Variants in PTPRK observed in about 807,000 individuals in gnomAD.
PTPRK encodes protein tyrosine phosphatase receptor type K.
PTPRK carries 75 observed loss-of-function variants against 178.0 expected under a neutral mutation model. The ratio of observed to expected loss-of-function variants is 0.42; its 90% confidence interval spans 0.35 to 0.51. The LOEUF (loss-of-function observed/expected upper bound fraction) is 0.51, where lower values mean the gene tolerates loss of function less well. Ranked by LOEUF, PTPRK falls within the 20% of genes least tolerant of loss-of-function variation. The pLI is 0.02. For missense variants in PTPRK, 1,441 were observed against 1,797.8 expected (o/e 0.80, Z 3.59); for synonymous variants, 637 against 620.6 (o/e 1.03, Z -0.39).
At chr6:128,221,001 T>C (rs1810302241) in intron 5 of PTPRK, among the ~76,000 whole-genome samples, 1 of 152,282 alleles carries the variant, frequency 6.6e-6, no homozygotes, top group African/African-American at 2.4e-5. Flanking sequence ...CTGGCACTCA[T>C]TGGTTCCAGC....
At chr6:127,982,697 A>G in intron 24 of PTPRK, 134 bp downstream of exon 24, 1 of 659,682 alleles carries the variant, frequency 1.5e-6, no homozygotes, top group South Asian at 2.8e-5. Context: ...ATGTATAATG[A>G]AAGAGATACG....
At chr6:128,438,086 G>A (rs2128398850) in intron 1 of PTPRK, among the ~76,000 whole-genome samples, 1 of 152,298 alleles carries the variant, frequency 6.6e-6, no homozygotes, top group African/African-American at 2.4e-5. Flanking sequence ...AAAATATCCG[G>A]GTATATAAAC....
intron 3 of PTPRK, among the ~76,000 whole-genome samples, chr6:128,299,413 A>T (rs1306509593): frequency 6.6e-6 from 1 of 152,124 alleles, no homozygotes; most frequent in African/African-American, 2.4e-5. Context: ...CGCACTGCCA[A>T]GTCAATCCTA....
intron 7 of PTPRK, among the ~76,000 whole-genome samples, chr6:128,100,261 G>A (rs778349923): frequency 6.6e-6 from 1 of 151,980 alleles, no homozygotes; most frequent in Non-Finnish European, 1.5e-5. Flanking sequence ...CTTCTACCTG[G>A]AAAATCTGAG....
At chr6:127,979,639 CT>C (rs1245923613) in intron 25 of PTPRK, among the ~76,000 whole-genome samples, 1 of 152,184 alleles carries the variant, frequency 6.6e-6, no homozygotes, top group African/African-American at 2.4e-5. Context: ...GAGAGCCTGC[CT>C]TTAGACTATT....
At chr6:128,249,341 G>A in intron 3 of PTPRK, among the ~76,000 whole-genome samples, 1 of 146,192 alleles carries the variant, frequency 6.8e-6, no homozygotes. Flanking sequence ...TTTAAGCCCA[G>A]AAAAAGTGGA....
At chr6:128,101,311 T>A (rs1162397349) in intron 7 of PTPRK, among the ~76,000 whole-genome samples, 1 of 152,080 alleles carries the variant, frequency 6.6e-6, no homozygotes, top group Non-Finnish European at 1.5e-5. Flanking sequence ...GATGCTAATA[T>A]AATGTTTAAA....
chr6:128,468,087 T>C (rs1012329763), intron 1 of PTPRK, among the ~76,000 whole-genome samples: 1 of 152,232 alleles, frequency 6.6e-6, no homozygotes, highest in African/African-American at 2.4e-5. Flanking sequence ...ATATTCAGTA[T>C]CCTGCGTCTA....
At chr6:128,067,919 T>TA (rs1207938867) in intron 11 of PTPRK, 127 bp from the exon 12 acceptor site, 34 of 881,156 alleles carry the variant, frequency 3.9e-5, no homozygotes, top group Non-Finnish European at 4.7e-5. Flanking sequence ...AAGTTAGTCT[T>TA]AACCTGGTAT....
chr6:128,119,315 T>C (rs1361554257), intron 7 of PTPRK, among the ~76,000 whole-genome samples: 1 of 151,988 alleles, frequency 6.6e-6, no homozygotes, highest in Non-Finnish European at 1.5e-5. Flanking sequence ...TTTCTTTACA[T>C]TAAATTTCAA....
intron 1 of PTPRK, among the ~76,000 whole-genome samples, chr6:128,480,154 CA>C (rs1456230674): frequency 6.6e-6 from 1 of 152,142 alleles, no homozygotes; most frequent in South Asian, 2.1e-4. Context: ...TCATTGTTCT[CA>C]TCCACTTTCT....
chr6:127,998,017 T>C (rs919782716), intron 16 of PTPRK, among the ~76,000 whole-genome samples: 5 of 152,078 alleles, frequency 3.3e-5, no homozygotes, highest in Non-Finnish European at 7.4e-5. Context: ...TATTTCTCAG[T>C]AAGTGAAGGG....
chr6:128,112,271 T>C (rs999409323), intron 7 of PTPRK, among the ~76,000 whole-genome samples: 2 of 152,032 alleles, frequency 1.3e-5, no homozygotes, highest in East Asian at 1.9e-4. Context: ...GCAGAGAAAT[T>C]TAGTAAAGAG....
At chr6:128,064,570 A>G (rs1441446874) in intron 13 of PTPRK, among the ~76,000 whole-genome samples, 188 bp downstream of exon 13, 1 of 152,204 alleles carries the variant, frequency 6.6e-6, no homozygotes, top group Non-Finnish European at 1.5e-5. Context: ...TATCATAACA[A>G]GATTCCTTCA....
Position 128,474,396 on chromosome 6 carries a change from AT to A in PTPRK, c.100+45862del, listed in dbSNP as rs567378083. ...CTACATTCTTCAATGGAAAAAAAAA[AT>A]GATCTTCCTAACTCACCTGATCCTA... On this transcript the variant is annotated intron_variant, in intron 1 of 29. Transcript: ENST00000368226. Among the ~76,000 whole-genome samples the A allele has an allele frequency of 4.5e-3, 684 of 152,178 alleles. 5 individuals are homozygous for A. Among genetic ancestry groups the A allele is most frequent in the African/African-American group, 0.016 (646 of 41,544 alleles).
intron 13 of PTPRK, among the ~76,000 whole-genome samples, chr6:128,043,767 C>T (rs114508262): frequency 0.019 from 2,865 of 151,046 alleles, 96 homozygotes; most frequent in African/African-American, 0.065. Context: ...ACTAACATTG[C>T]AATTTCAAGT....
intron 1 of PTPRK, among the ~76,000 whole-genome samples, chr6:128,475,207 A>G (rs1851223207): frequency 6.6e-6 from 1 of 152,076 alleles, no homozygotes; most frequent in Admixed American, 6.6e-5. Flanking sequence ...TCATTTATAA[A>G]ATGGTGATAA....
In PTPRK at chr6:127,969,100, G is replaced by C. The variant is rs1773648281; in HGVS notation, c.*1127C>G. Reference sequence around the variant, plus strand: ...TTATCACCCTGACAGTTTACAGTTTGCTCAAATTTGACCCTGAAAGCATAT... The same window carrying C: ...TTATCACCCTGACAGTTTACAGTTTCCTCAAATTTGACCCTGAAAGCATAT... On this transcript the variant is annotated 3_prime_UTR_variant, in exon 30 of 30. Transcript: ENST00000368226. 1 of 152,166 alleles carries C rather than the reference G, an allele frequency of 6.6e-6. No individual in the cohort carries two copies. Among genetic ancestry groups the C allele is most frequent in the Non-Finnish European group, 1.5e-5 (1 of 68,026 alleles). 9.4% of individuals were successfully genotyped at this position (152,166 alleles called of 1,614,324 possible). A position where few individuals can be genotyped will look rare whatever the true frequency, so the allele number is the denominator to read the frequency against.
chr6:128,259,918 T>C (rs1002633124), intron 3 of PTPRK, among the ~76,000 whole-genome samples: 21 of 152,154 alleles, frequency 1.4e-4, no homozygotes, highest in African/African-American at 4.8e-4. Flanking sequence ...CCATAACATA[T>C]GTAAAGCAAA....
Sources: gnomAD v4.1 joint callset for allele counts (sites outside exome capture counted in the v4.1 genomes callset) on GRCh38, gnomAD v4.1.1 for gene constraint, MANE v1.5 for transcripts, NCBI Gene and HGNC (gene_info 2026-07-23, HGNC 2026-07-21) for gene names.